The following CNKSR2 variants were observed in gnomAD, a reference collection of about 807,000 sequenced individuals.
CNKSR2 encodes CNK homolog protein 2.
Under a neutral mutation model 84.4 loss-of-function variants are expected in CNKSR2, and 14 were observed. That is an observed-to-expected ratio of 0.17 (90% CI 0.11 to 0.26). CNKSR2 has a LOEUF of 0.26. Ranked by LOEUF, CNKSR2 falls within the 10% of genes least tolerant of loss-of-function variation. The probability of loss-of-function intolerance (pLI) is 1.00; values close to 1 mark genes in which losing one functional copy is unlikely to be tolerated. For missense variants in CNKSR2, 485 were observed against 771.2 expected, an observed-to-expected ratio of 0.63 and a Z score of 4.40; for synonymous variants, 275 against 277.9, an observed-to-expected ratio of 0.99 and a Z score of 0.10.
At chrX:21,617,387 G>A (rs1187330788) in intron 20 of CNKSR2, among the ~76,000 whole-genome samples, 2 of 111,601 alleles carry the variant, frequency 1.8e-5, no homozygotes, top group African/African-American at 6.5e-5. Context: ...ACTACCAGAA[G>A]ATGGTAGATT....
At chrX:21,460,084 T>TC (rs2091042667) in intron 4 of CNKSR2, among the ~76,000 whole-genome samples, 1 of 111,914 alleles carries the variant, frequency 8.9e-6, no homozygotes, top group Non-Finnish European at 1.9e-5. Flanking sequence ...CTTCCCACCA[T>TC]ACATACTCTG....
intron 4 of CNKSR2, among the ~76,000 whole-genome samples, chrX:21,462,593 G>A (rs2091074839): frequency 9.0e-6 from 1 of 111,225 alleles, no homozygotes; most frequent in Non-Finnish European, 1.9e-5. Context: ...GGTGAAAGTG[G>A]GCATCCTTGT....
intron 20 of CNKSR2, among the ~76,000 whole-genome samples, chrX:21,624,966 T>C (rs918083557): frequency 2.7e-5 from 3 of 111,738 alleles, no homozygotes; most frequent in Admixed American, 1.9e-4. Context: ...CTTGACTGAG[T>C]AAGGTAGAAT....
intron 11 of CNKSR2, among the ~76,000 whole-genome samples, chrX:21,551,369 GAGAA>G (rs1315702767): frequency 1.8e-5 from 2 of 112,306 alleles, no homozygotes; most frequent in African/African-American, 3.2e-5. Flanking sequence ...TATAATTTAA[GAGAA>G]AGAAAGAAAA....
At chrX:21,473,535 A>G (rs974385414) in intron 5 of CNKSR2, among the ~76,000 whole-genome samples, 1 of 108,974 alleles carries the variant, frequency 9.2e-6, no homozygotes, top group Non-Finnish European at 1.9e-5. Context: ...ACCATTTTCT[A>G]TCTCGGTGAG....
At chrX:21,573,314 G>C (rs1011480947) in intron 13 of CNKSR2, among the ~76,000 whole-genome samples, 1 of 112,125 alleles carries the variant, frequency 8.9e-6, no homozygotes, top group Non-Finnish European at 1.9e-5. Flanking sequence ...AGTGCAAGCT[G>C]TTGGTAGATC....
intron 1 of CNKSR2, among the ~76,000 whole-genome samples, chrX:21,384,952 A>G (rs992669850): frequency 8.9e-6 from 1 of 111,873 alleles, no homozygotes; most frequent in Non-Finnish European, 1.9e-5. Flanking sequence ...AGAGAAGTTA[A>G]GCAGCTCAAC....
chrX:21,511,539 A>G (rs1222206280), intron 8 of CNKSR2, among the ~76,000 whole-genome samples: 1 of 110,092 alleles, frequency 9.1e-6, no homozygotes, highest in African/African-American at 3.3e-5. Context: ...GTCACCTTTA[A>G]GAAGAGGCTT....
rs746250604 is a variant in CNKSR2, at chrX:21,550,015, G to T, written c.1304-11456G>T. 1.2e-4 allele frequency among the ~76,000 whole-genome samples: 13 copies of T among 111,596 alleles called. No individual in the cohort carries two copies. In the South Asian group the frequency reaches 4.9e-3, roughly 42 times the overall value. On this transcript the variant is annotated intron_variant, in intron 11 of 21. Transcript: ENST00000379510. ...ATTCAGGACATAGGCATGGGTAAAG[G>T]CTTCATGACTAAAACACCAAAAGCA...
At chrX:21,485,180 C>T (rs1158905218) in intron 5 of CNKSR2, among the ~76,000 whole-genome samples, 1 of 111,140 alleles carries the variant, frequency 9.0e-6, no homozygotes. Context: ...GAGACTCTAT[C>T]TCAAAAAATA....
intron 3 of CNKSR2, 148 bp from the exon 4 acceptor site, chrX:21,440,546 C>T: frequency 6.8e-6 from 2 of 294,894 alleles, no homozygotes; most frequent in Non-Finnish European, 5.9e-6. Flanking sequence ...CAAATCTTTC[C>T]TTAAAATAAG....
intron 1 of CNKSR2, among the ~76,000 whole-genome samples, chrX:21,378,591 G>T (rs1161310568): frequency 9.0e-6 from 1 of 110,762 alleles, no homozygotes; most frequent in Non-Finnish European, 1.9e-5. Context: ...ATGCTTTAGG[G>T]CCCCTGTTAT....
At chrX:21,612,024 A>T (rs1314504568) in intron 20 of CNKSR2, among the ~76,000 whole-genome samples, 1 of 112,144 alleles carries the variant, frequency 8.9e-6, no homozygotes, top group Non-Finnish European at 1.9e-5. Context: ...TTATTATTCA[A>T]TGAAATGTAT....
At chrX:21,410,930 G>A (rs925553154) in intron 1 of CNKSR2, among the ~76,000 whole-genome samples, 1 of 109,546 alleles carries the variant, frequency 9.1e-6, no homozygotes. Flanking sequence ...TTGAAATGAT[G>A]AATAAGATTT....
chrX:21,485,968 C>A (rs1426009541), intron 5 of CNKSR2, among the ~76,000 whole-genome samples: 2 of 110,962 alleles, frequency 1.8e-5, no homozygotes, highest in Non-Finnish European at 3.8e-5. Flanking sequence ...AACCCCATCT[C>A]TACTAAAAAT....
intron 1 of CNKSR2, among the ~76,000 whole-genome samples, chrX:21,402,315 A>C (rs983078673): frequency 9.0e-6 from 1 of 111,635 alleles, no homozygotes; most frequent in Non-Finnish European, 1.9e-5. Flanking sequence ...TTGGAAAATT[A>C]GAATAAATTA....
intron 5 of CNKSR2, among the ~76,000 whole-genome samples, chrX:21,486,696 G>T (rs2091388746): frequency 8.9e-6 from 1 of 111,845 alleles, no homozygotes; most frequent in Non-Finnish European, 1.9e-5. Context: ...TAATAAAAGG[G>T]TATTTTTCTT....
At chrX:21,515,818 A>G (rs1423677542) in intron 8 of CNKSR2, among the ~76,000 whole-genome samples, 2 of 112,224 alleles carry the variant, frequency 1.8e-5, no homozygotes, top group Non-Finnish European at 3.8e-5. Context: ...GAATGGCTTC[A>G]TTAAATTTAG....
intron 13 of CNKSR2, among the ~76,000 whole-genome samples, chrX:21,567,396 G>A (rs1370793217): frequency 2.7e-5 from 3 of 111,691 alleles, no homozygotes; most frequent in Non-Finnish European, 3.8e-5. Context: ...AATGTCATGA[G>A]TAAGTGAATT....
Sources: gnomAD v4.1 joint callset for allele counts (sites outside exome capture counted in the v4.1 genomes callset) on GRCh38, gnomAD v4.1.1 for gene constraint, MANE v1.5 for transcripts, NCBI Gene and HGNC (gene_info 2026-07-23, HGNC 2026-07-21) for gene names.